The following ALMS1 variants were observed in gnomAD, a reference collection of about 807,000 sequenced individuals.
The protein encoded by ALMS1 is centrosome-associated protein ALMS1.
A neutral mutation model predicts 352.2 loss-of-function variants in ALMS1; 271 were observed. That is an observed-to-expected ratio of 0.77 (90% confidence interval 0.70 to 0.85). ALMS1 has a LOEUF of 0.85. Among genes scored for constraint, ALMS1 ranks in the 40% least tolerant of loss-of-function variants. The pLI, the probability that ALMS1 is intolerant of heterozygous loss-of-function variation, is 0.00. For synonymous variants in ALMS1, 1,865 were observed against 1,761.2 expected (o/e 1.06, Z -1.48); for missense variants, 5,445 against 4,870.7 (o/e 1.12, Z -3.51).
chr2:73,480,596 T>C (rs1572960796), intron 9 of ALMS1, among the ~76,000 whole-genome samples: 2 of 151,756 alleles, frequency 1.3e-5, no homozygotes, highest in East Asian at 3.9e-4. Context: ...TACCCAGTAA[T>C]GGGATGGCTG....
Position 73,572,453 on chromosome 2 carries a change from A to C in ALMS1, c.10576A>C (p.Met3526Leu). Residue 3526 changes from methionine to leucine, a missense_variant, in exon 16 of 23, where the codon ATG (methionine) becomes CTG (leucine). By Grantham distance (15) the Met-to-Leu change is conservative (BLOSUM62 2). Transcript: ENST00000613296. ...TCATCCAGACAAACATAGAGAACAC[A>C]TGTGTCTTCCTCTTCCTTATCAAAA... ...QHHPDKHREH[M>L]CLPLPYQNMD... is the part of the protein sequence containing the mutation. 1 of 1,614,042 alleles carries C rather than the reference A, an allele frequency of 6.2e-7. No homozygotes were observed. Among genetic ancestry groups the C allele is most frequent in the Non-Finnish European group, 8.5e-7 (1 of 1,179,984 alleles).
In ALMS1 at chr2:73,449,772, C is replaced by T; in HGVS notation, c.3245C>T (p.Pro1082Leu). ...CTGAAAGTTTCAGCCTTCCCTGGAC[C>T]AGCTGACCAGATGACTGACACACCA... The part of the protein sequence containing the change: ...ESLKVSAFPG[P>L]ADQMTDTPAV... The change falls in exon 8 of 23, where the codon CCA becomes CTA. Residue 1082 changes from proline (P) to leucine (L), a missense_variant. By Grantham distance (98) the Pro-to-Leu change is moderately conservative (BLOSUM62 -3). Coordinates refer to ENST00000613296, the MANE Select transcript of ALMS1 (RefSeq NM_001378454.1). 2 of 1,614,082 alleles carry T rather than the reference C, an allele frequency of 1.2e-6. No individual in the cohort carries two copies. The highest frequency in any genetic ancestry group is 1.7e-6 in the Non-Finnish European group (2 of 1,179,954).
chr2:73,560,372 C>T (rs1235796506), intron 15 of ALMS1, among the ~76,000 whole-genome samples: 1 of 152,032 alleles, frequency 6.6e-6, no homozygotes, highest in Non-Finnish European at 1.5e-5. Context: ...TTAGGATGAC[C>T]ACTATCAAAA....
rs199615641 is a variant in ALMS1 at position 73,452,445 on chromosome 2, C to T, written c.5918C>T (p.Pro1973Leu). 12 of 1,613,892 alleles carry T rather than the reference C, an allele frequency of 7.4e-6. No homozygotes were observed. Among genetic ancestry groups the T allele is most frequent in the Non-Finnish European group, 1.0e-5 (12 of 1,179,978 alleles). The change falls in exon 8 of 23, where the codon CCA (proline) becomes CTA (leucine). Residue 1973 changes from proline (P) to leucine (L), a missense_variant. Coordinates refer to ENST00000613296, the MANE Select transcript of ALMS1 (RefSeq NM_001378454.1). Reference protein sequence around the residue: ...EALKVSPVSIPAEQKTGIPIG... With the variant: ...EALKVSPVSILAEQKTGIPIG... ...CTGAAAGTTTCACCTGTTTCTATAC[C>T]AGCAGAGCAGAAGACTGGGATACCA...
At chr2:73,394,901 GGTAA>G (rs1439722361) in intron 1 of ALMS1, among the ~76,000 whole-genome samples, 1 of 150,826 alleles carries the variant, frequency 6.6e-6, no homozygotes, top group African/African-American at 2.4e-5. Flanking sequence ...GTAACACTGT[GGTAA>G]GTATTTGTGT....
intron 9 of ALMS1, among the ~76,000 whole-genome samples, chr2:73,485,307 G>C (rs573902825): frequency 6.6e-6 from 1 of 152,148 alleles, no homozygotes; most frequent in Non-Finnish European, 1.5e-5. Context: ...AGGACCCTCC[G>C]CTGCAGGTCT....
At chr2:73,419,433 C>G in intron 3 of ALMS1, 115 bp downstream of exon 3, 2 of 928,820 alleles carry the variant, frequency 2.2e-6, no homozygotes, top group Non-Finnish European at 3.4e-6. Flanking sequence ...GAGACCTACT[C>G]AGAGGGATTA....
At chr2:73,564,158 A>G (rs1444130717) in intron 15 of ALMS1, among the ~76,000 whole-genome samples, 1 of 151,966 alleles carries the variant, frequency 6.6e-6, no homozygotes, top group Non-Finnish European at 1.5e-5. Flanking sequence ...TTATTCAGAT[A>G]TAATTTACCC....
intron 11 of ALMS1, among the ~76,000 whole-genome samples, chr2:73,526,506 C>G (rs998089573): frequency 6.6e-6 from 1 of 152,082 alleles, no homozygotes; most frequent in Admixed American, 6.5e-5. Context: ...AGATCTTTCA[C>G]TTCTTTGGTT....
intron 12 of ALMS1, among the ~76,000 whole-genome samples, chr2:73,548,669 T>C (rs1285234224): frequency 6.6e-6 from 1 of 152,254 alleles, no homozygotes; most frequent in Non-Finnish European, 1.5e-5. Flanking sequence ...AACATTTTGA[T>C]TTGAAGAAGA....
At chr2:73,535,828 T>G (rs1265323871) in intron 12 of ALMS1, among the ~76,000 whole-genome samples, 2 of 152,148 alleles carry the variant, frequency 1.3e-5, no homozygotes. Flanking sequence ...TTGATTCACT[T>G]TAGACAAATT....
chr2:73,605,509 T>A (rs543151470), intron 21 of ALMS1, among the ~76,000 whole-genome samples: 1 of 152,186 alleles, frequency 6.6e-6, no homozygotes, highest in Non-Finnish European at 1.5e-5. Context: ...TAGGAAAAGT[T>A]TATGACATGT....
intron 9 of ALMS1, among the ~76,000 whole-genome samples, chr2:73,464,733 G>T (rs1188650315): frequency 2.0e-5 from 3 of 152,150 alleles, no homozygotes; most frequent in Non-Finnish European, 4.4e-5. Context: ...AAGCTGATAA[G>T]CAACTTCAGC....
At chr2:73,413,629 C>T (rs1252127481) in intron 2 of ALMS1, among the ~76,000 whole-genome samples, 1 of 152,170 alleles carries the variant, frequency 6.6e-6, no homozygotes, top group African/African-American at 2.4e-5. Context: ...AGAGGCGTGT[C>T]AAAATCTCTC....
intron 9 of ALMS1, among the ~76,000 whole-genome samples, chr2:73,466,919 A>G (rs918118399): frequency 2.0e-5 from 3 of 152,110 alleles, no homozygotes; most frequent in Non-Finnish European, 4.4e-5. Flanking sequence ...GTTTGGGAAA[A>G]AGCTGTTATT....
chr2:73,553,137 A>G (rs1674473009), intron 13 of ALMS1, among the ~76,000 whole-genome samples: 5 of 152,338 alleles, frequency 3.3e-5, no homozygotes, highest in Non-Finnish European at 7.3e-5. Flanking sequence ...AGATTCTAAC[A>G]GCTTCCAAAA....
rs778165277 is a variant in ALMS1 at position 73,573,442 on chromosome 2, C to G, written c.11547+18C>G. The G allele has an allele frequency of 2.5e-6, 4 of 1,613,172 alleles. No homozygotes were observed. Among genetic ancestry groups the G allele is most frequent in the Non-Finnish European group, 2.5e-6 (3 of 1,179,424 alleles). ...ACATCCAGGTACATGGCTACAGATT[C>G]CATCTGGCAATGTGACTGCCCTCTT... On this transcript the variant is annotated intron_variant, in intron 16 of 22. Transcript: ENST00000613296.
At chr2:73,467,786 A>C (rs977419967) in intron 9 of ALMS1, among the ~76,000 whole-genome samples, 11 of 152,082 alleles carry the variant, frequency 7.2e-5, no homozygotes, top group Non-Finnish European at 1.2e-4. Flanking sequence ...CTGCCTCAAC[A>C]ACCTTGAAAG....
At chr2:73,550,577 A>C in intron 13 of ALMS1, 140 bp downstream of exon 13, 2 of 1,043,964 alleles carry the variant, frequency 1.9e-6, no homozygotes, top group Non-Finnish European at 2.7e-6. Flanking sequence ...CATATACAAG[A>C]AGGCAAAATT....
Sources: gnomAD v4.1 joint callset for allele counts (sites outside exome capture counted in the v4.1 genomes callset) on GRCh38, gnomAD v4.1.1 for gene constraint, MANE v1.5 for transcripts, NCBI Gene and HGNC (gene_info 2026-07-23, HGNC 2026-07-21) for gene names.